The following CELF2 variants were observed in gnomAD, a reference collection of about 807,000 sequenced individuals.
CELF2 encodes the protein CUGBP Elav-like family member 2.
A neutral mutation model predicts 62.6 loss-of-function variants in CELF2; 8 were observed. The ratio of observed to expected loss-of-function variants is 0.13; its 90% CI spans 0.07 to 0.23. The LOEUF is 0.23. Ranked by LOEUF, CELF2 falls within the 10% of genes least tolerant of loss-of-function variation. CELF2 has a pLI of 1.00. For synonymous variants in CELF2, 258 were observed against 250.0 expected (o/e 1.03, Z -0.30); for missense variants, 333 against 671.0 (o/e 0.50, Z 5.56).
At chr10:10,594,888 G>A in the CELF2 span, among the ~76,000 whole-genome samples, 1 of 150,652 alleles carries the variant, frequency 6.6e-6, no homozygotes, top group South Asian at 2.1e-4. Context: ...TCAACCCTTA[G>A]TTCTCAGGAC....
the CELF2 span, among the ~76,000 whole-genome samples, chr10:10,696,546 C>T: frequency 4.0e-5 from 6 of 151,200 alleles, no homozygotes; most frequent in East Asian, 1.9e-4. Context: ...TCGAGCTTCC[C>T]TGCTGCTTTG....
intron 1 of CELF2, among the ~76,000 whole-genome samples, chr10:11,045,518 A>G (rs1396206794): frequency 2.0e-5 from 3 of 152,214 alleles, no homozygotes; most frequent in African/African-American, 7.2e-5. Flanking sequence ...TGAGAATTCA[A>G]TGAGATGATT....
rs2083491372 is a variant in CELF2, at chr10:11,270,629, T to G, written c.619-37T>G. 7.2e-7 allele frequency: 1 copy of G among 1,389,856 alleles called. No individual in the cohort carries two copies. The allele number at this position is 1,389,856 out of a possible 1,614,324, so 86.1% of individuals were successfully genotyped here. On this transcript the variant is annotated intron_variant, in intron 6 of 12. Coordinates refer to ENST00000633077, the MANE Select transcript of CELF2 (RefSeq NM_001326342.2). The surrounding 1 kb of genome is among the most constrained non-coding windows in gnomAD (Gnocchi z 5.8). The stretch of plus-strand genomic sequence containing the variant: ...GTCGTGAGCGGATTCCGCCAGCCTG[T>G]AACCCCCTCTCCACTTTCCAATGTG...
At chr10:10,884,546 T>C (rs573973145) in intron 1 of CELF2, among the ~76,000 whole-genome samples, 2 of 152,218 alleles carry the variant, frequency 1.3e-5, no homozygotes, top group Non-Finnish European at 2.9e-5. Flanking sequence ...ATAGGACTTT[T>C]AATATTATGA....
chr10:10,961,300 G>A (rs954324595), intron 2 of CELF2, among the ~76,000 whole-genome samples: 1 of 152,154 alleles, frequency 6.6e-6, no homozygotes, highest in African/African-American at 2.4e-5. Flanking sequence ...TTTATAGTTT[G>A]TGATATTGAC....
the CELF2 span, among the ~76,000 whole-genome samples, chr10:10,779,605 C>T: frequency 6.6e-6 from 1 of 152,088 alleles, no homozygotes; most frequent in Non-Finnish European, 1.5e-5. Context: ...CATGAACATC[C>T]AGCGAAGGGT....
chr10:11,144,247 A>G (rs1411314728), intron 1 of CELF2, among the ~76,000 whole-genome samples: 1 of 152,202 alleles, frequency 6.6e-6, no homozygotes, highest in Non-Finnish European at 1.5e-5. Context: ...GTAAGAAGGA[A>G]AAAAAACCGT....
intron 2 of CELF2, among the ~76,000 whole-genome samples, chr10:10,948,094 G>A (rs956858002): frequency 6.6e-6 from 1 of 152,188 alleles, no homozygotes; most frequent in Non-Finnish European, 1.5e-5. Context: ...GGGCTCATCA[G>A]ATCATACAGC....
At chr10:10,763,207 C>G in the CELF2 span, among the ~76,000 whole-genome samples, 1 of 152,168 alleles carries the variant, frequency 6.6e-6, no homozygotes, top group South Asian at 2.1e-4. Context: ...AAAATGCTGG[C>G]CCAATTTGTA....
chr10:11,293,238 G>C (rs572779729), intron 9 of CELF2, among the ~76,000 whole-genome samples: 1 of 152,344 alleles, frequency 6.6e-6, no homozygotes, highest in South Asian at 2.1e-4. Flanking sequence ...AATACTTGTT[G>C]CAGTGCTCAT....
intron 1 of CELF2, among the ~76,000 whole-genome samples, chr10:10,879,153 G>A (rs1171864941): frequency 6.6e-6 from 1 of 152,204 alleles, no homozygotes; most frequent in Non-Finnish European, 1.5e-5. Context: ...CTGCACGGCA[G>A]TGTACTTTCT....
chr10:10,723,437 C>T, the CELF2 span, among the ~76,000 whole-genome samples: 1 of 152,138 alleles, frequency 6.6e-6, no homozygotes, highest in Non-Finnish European at 1.5e-5. Flanking sequence ...AATAAGGACT[C>T]CATGAGTGTT....
At chr10:11,058,242 G>A (rs776971931) in intron 1 of CELF2, among the ~76,000 whole-genome samples, 6 of 152,124 alleles carry the variant, frequency 3.9e-5, no homozygotes, top group Non-Finnish European at 5.9e-5. Context: ...TACTGTCTGT[G>A]AATTATTCTC....
intron 8 of CELF2, among the ~76,000 whole-genome samples, chr10:11,281,929 C>G (rs549674469): frequency 6.6e-6 from 1 of 152,300 alleles, no homozygotes; most frequent in African/African-American, 2.4e-5. Flanking sequence ...CCCCAATGTT[C>G]TTGGACCCTG....
intron 3 of CELF2, among the ~76,000 whole-genome samples, chr10:11,218,250 T>G (rs973676151): frequency 6.6e-6 from 1 of 152,228 alleles, no homozygotes; most frequent in African/African-American, 2.4e-5. Context: ...GAGTTCATAA[T>G]GACATGCATT....
chr10:10,477,122 C>A, the CELF2 span, among the ~76,000 whole-genome samples: 3 of 152,172 alleles, frequency 2.0e-5, no homozygotes, highest in Admixed American at 6.6e-5. Context: ...CACATCATTT[C>A]TGTTGTTCTT....
intron 9 of CELF2, among the ~76,000 whole-genome samples, chr10:11,307,567 A>G (rs1406084169): frequency 6.6e-6 from 1 of 152,232 alleles, no homozygotes; most frequent in Non-Finnish European, 1.5e-5. Context: ...TGCCAAATTC[A>G]TTACATAGAT....
chr10:10,871,350 G>T (rs1025650910), intron 1 of CELF2, among the ~76,000 whole-genome samples: 1 of 152,148 alleles, frequency 6.6e-6, no homozygotes, highest in African/African-American at 2.4e-5. Context: ...AAATCTATGC[G>T]CCACATCTAA....
chr10:10,948,924 A>G (rs2047995986), intron 2 of CELF2, among the ~76,000 whole-genome samples: 1 of 152,136 alleles, frequency 6.6e-6, no homozygotes. Context: ...CCCATCTAAA[A>G]GGTAAGTTTC....
Sources: gnomAD v4.1 joint callset for allele counts (sites outside exome capture counted in the v4.1 genomes callset) on GRCh38, gnomAD v4.1.1 for gene constraint, Gnocchi (gnomAD v3.1) non-coding constraint, MANE v1.5 for transcripts, NCBI Gene and HGNC (gene_info 2026-07-23, HGNC 2026-07-21) for gene names.